ADGRB3: variants seen among roughly 807,000 people sequenced by gnomAD.
ADGRB3 encodes the protein adhesion G protein-coupled receptor B3, also known as brain-specific angiogenesis inhibitor 3.
ADGRB3 carries 37 observed loss-of-function variants against 193.4 expected under a neutral mutation model. That is an observed-to-expected ratio of 0.19 (90% CI 0.15 to 0.25). ADGRB3 has a LOEUF of 0.25. Ranked by LOEUF, ADGRB3 falls within the 10% of genes least tolerant of loss-of-function variation. The pLI is 1.00. For synonymous variants in ADGRB3, 690 were observed against 644.2 expected, an observed-to-expected ratio of 1.07 and a Z score of -1.08; for missense variants, 1,637 against 1,852.9, an observed-to-expected ratio of 0.88 and a Z score of 2.14.
intron 11 of ADGRB3, among the ~76,000 whole-genome samples, chr6:68,994,541 T>C (rs1392914029): frequency 1.3e-5 from 2 of 152,230 alleles, no homozygotes; most frequent in African/African-American, 2.4e-5. Flanking sequence ...ACATCATTTA[T>C]TTCCATAATA....
At chr6:68,730,446 A>G (rs1004094656) in intron 3 of ADGRB3, among the ~76,000 whole-genome samples, 1 of 151,686 alleles carries the variant, frequency 6.6e-6, no homozygotes, top group African/African-American at 2.4e-5. Context: ...AAATCCAGGA[A>G]ACATCTAATA....
intron 17 of ADGRB3, among the ~76,000 whole-genome samples, chr6:69,182,007 T>C (rs1775597226): frequency 1.3e-5 from 2 of 152,174 alleles, no homozygotes; most frequent in South Asian, 4.1e-4. Flanking sequence ...ATGACAGTTG[T>C]TCATCGCAAA....
At chr6:69,187,015 T>C (rs1765086028) in intron 17 of ADGRB3, among the ~76,000 whole-genome samples, 1 of 151,116 alleles carries the variant, frequency 6.6e-6, no homozygotes, top group South Asian at 2.1e-4. Context: ...TACACAACAA[T>C]AATTGGAATG....
chr6:69,266,569 A>G (rs1487199252), intron 20 of ADGRB3, among the ~76,000 whole-genome samples: 1 of 152,050 alleles, frequency 6.6e-6, no homozygotes, highest in African/African-American at 2.4e-5. Flanking sequence ...ACCAGTTTCA[A>G]TGTTATAGTT....
chr6:68,942,652 C>T (rs1352610842), intron 5 of ADGRB3, among the ~76,000 whole-genome samples: 1 of 151,914 alleles, frequency 6.6e-6, no homozygotes, highest in African/African-American at 2.4e-5. Context: ...GCTGTGTTGC[C>T]CAGGCTGGAG....
chr6:69,137,488 A>G (rs1251443510), intron 17 of ADGRB3, among the ~76,000 whole-genome samples: 1 of 151,982 alleles, frequency 6.6e-6, no homozygotes, highest in Non-Finnish European at 1.5e-5. Context: ...AGAGTTCACT[A>G]TATTAGTTAC....
chr6:69,070,436 C>T (rs1458209724), intron 16 of ADGRB3, among the ~76,000 whole-genome samples: 1 of 151,976 alleles, frequency 6.6e-6, no homozygotes, highest in Non-Finnish European at 1.5e-5. Flanking sequence ...ATGAACAAAT[C>T]CATCGCCTCA....
chr6:69,214,665 G>A (rs1765737762), intron 17 of ADGRB3, among the ~76,000 whole-genome samples: 1 of 151,840 alleles, frequency 6.6e-6, no homozygotes, highest in Non-Finnish European at 1.5e-5. Flanking sequence ...TGGGTATCAG[G>A]AGGGAATAAG....
chr6:69,026,830 G>C (rs1027876810), intron 13 of ADGRB3, among the ~76,000 whole-genome samples: 2 of 152,028 alleles, frequency 1.3e-5, no homozygotes, highest in Non-Finnish European at 2.9e-5. Context: ...GTACAAATTT[G>C]GTATAAAATA....
chr6:68,921,546 TCTAA>T (rs925136271), intron 3 of ADGRB3, among the ~76,000 whole-genome samples: 5 of 152,112 alleles, frequency 3.3e-5, no homozygotes, highest in African/African-American at 1.2e-4. Flanking sequence ...TGTGGCAATA[TCTAA>T]CAAAATTTAA....
chr6:69,043,312 G>GAAAGAAAGAAAGAAAA (rs1410627441), intron 13 of ADGRB3, among the ~76,000 whole-genome samples: 1 of 150,468 alleles, frequency 6.6e-6, no homozygotes, highest in Non-Finnish European at 1.5e-5. Context: ...AAGAAAGAAA[G>GAAAGAAAGAAAGAAAA]AAAGAAAGAA....
At chr6:68,721,074 C>T (rs190805482) in intron 3 of ADGRB3, among the ~76,000 whole-genome samples, 1,653 of 151,836 alleles carry the variant, frequency 0.011, 14 homozygotes, top group South Asian at 0.014. Flanking sequence ...GTGGCGATTC[C>T]TCAGGGATCT....
At chr6:68,694,694 C>G (rs1765129554) in intron 3 of ADGRB3, among the ~76,000 whole-genome samples, 1 of 151,972 alleles carries the variant, frequency 6.6e-6, no homozygotes, top group Non-Finnish European at 1.5e-5. Context: ...TTGTCTCCAG[C>G]CTACATTAGG....
At chr6:68,778,744 T>C (rs1380291969) in intron 3 of ADGRB3, among the ~76,000 whole-genome samples, 5 of 152,206 alleles carry the variant, frequency 3.3e-5, no homozygotes, top group East Asian at 1.9e-4. Flanking sequence ...TATATACTTA[T>C]ATATCCAAAA....
At chr6:69,057,596 GA>G (rs1215556785) in intron 15 of ADGRB3, among the ~76,000 whole-genome samples, 1 of 151,964 alleles carries the variant, frequency 6.6e-6, no homozygotes, top group Admixed American at 6.6e-5. Flanking sequence ...GCTATGTTGA[GA>G]TAATTTCTTC....
At chr6:69,117,486 C>G (rs1773567616) in intron 17 of ADGRB3, among the ~76,000 whole-genome samples, 1 of 152,128 alleles carries the variant, frequency 6.6e-6, no homozygotes, top group East Asian at 1.9e-4. Flanking sequence ...AAAAGATACT[C>G]TAATACATTC....
intron 3 of ADGRB3, among the ~76,000 whole-genome samples, chr6:68,755,562 G>T (rs894472373): frequency 6.6e-6 from 1 of 152,132 alleles, no homozygotes; most frequent in African/African-American, 2.4e-5. Context: ...AAAAAGAAAG[G>T]TCAGTTGAGA....
chr6:69,266,123 C>T (rs1253750268), intron 20 of ADGRB3, among the ~76,000 whole-genome samples: 1 of 151,830 alleles, frequency 6.6e-6, no homozygotes, highest in African/African-American at 2.4e-5. Context: ...TTTTATTCTG[C>T]TTGATAATTC....
At chr6:69,169,601 G>A (rs924183274) in intron 17 of ADGRB3, among the ~76,000 whole-genome samples, 9 of 150,808 alleles carry the variant, frequency 6.0e-5, no homozygotes, top group African/African-American at 2.2e-4. Context: ...ATAATTAAAT[G>A]ATATAAATTA....
Sources: gnomAD v4.1 joint callset for allele counts (sites outside exome capture counted in the v4.1 genomes callset) on GRCh38, gnomAD v4.1.1 for gene constraint, MANE v1.5 for transcripts, NCBI Gene and HGNC (gene_info 2026-07-23, HGNC 2026-07-21) for gene names.